SPRED2: variants seen among roughly 807,000 people sequenced by gnomAD.
SPRED2 encodes the protein sprouty related EVH1 domain containing 2.
Under a neutral mutation model 43.0 loss-of-function variants are expected in SPRED2, and 47 were observed. The ratio of observed to expected loss-of-function variants is 1.09; its 90% CI spans 0.87 to 1.40. SPRED2 has a LOEUF of 1.40. Ranked by LOEUF, SPRED2 falls within the 40% of genes most tolerant of loss-of-function variation. SPRED2 has a pLI of 0.00. For synonymous variants in SPRED2, 225 were observed against 225.7 expected, an observed-to-expected ratio of 1.00 and a Z score of 0.03; for missense variants, 561 against 586.4, an observed-to-expected ratio of 0.96 and a Z score of 0.45.
chr2:65,401,937 G>GCGCGCGCGCGCACA lies in SPRED2; in HGVS notation c.26+30024_26+30025insTGTGCGCGCGCGCG, dbSNP rs776512353. Among the ~76,000 whole-genome samples, 155 of 114,728 alleles carry GCGCGCGCGCGCACA rather than the reference G, an allele frequency of 1.4e-3. 1 individual carries two copies. Among genetic ancestry groups the GCGCGCGCGCGCACA allele is most frequent in the African/African-American group, 4.4e-3 (129 of 29,604 alleles). The allele number at this position is 114,728 out of a possible 152,430, so 75.3% of individuals were successfully genotyped here. A position where few individuals can be genotyped will look rare whatever the true frequency, so the allele number is the denominator to read the frequency against. On this transcript the variant is annotated intron_variant, in intron 1 of 5. Coordinates refer to ENST00000356388, the MANE Select transcript of SPRED2 (RefSeq NM_181784.3). ...ACGATCAGAATATTAGCGCGCGCGC[G>GCGCGCGCGCGCACA]CACACACACACACACACACACACAC...
At chr2:65,334,901 ATCTG>A in intron 2 of SPRED2, 128 bp from the exon 3 acceptor site, 1 of 876,564 alleles carries the variant, frequency 1.1e-6, no homozygotes, top group South Asian at 1.6e-5. Context: ...GCCTTCACAT[ATCTG>A]TGAGTCTCTC....
At chr2:65,325,369 C>A (rs1213565271) in intron 4 of SPRED2, among the ~76,000 whole-genome samples, 3 of 152,170 alleles carry the variant, frequency 2.0e-5, no homozygotes, top group Non-Finnish European at 4.4e-5. Flanking sequence ...AGGAGCTAGA[C>A]CACATCATTC....
intron 1 of SPRED2, among the ~76,000 whole-genome samples, chr2:65,350,842 G>A (rs939865438): frequency 6.6e-6 from 1 of 152,230 alleles, no homozygotes; most frequent in Non-Finnish European, 1.5e-5. Context: ...AGATGACGGC[G>A]AGGCAGCACT....
chr2:65,342,382 T>C (rs1460778083), intron 2 of SPRED2, among the ~76,000 whole-genome samples: 1 of 148,614 alleles, frequency 6.7e-6, no homozygotes, highest in Non-Finnish European at 1.5e-5. Context: ...TGTATGTATA[T>C]TTTGTATATG....
At chr2:65,333,332 A>G (rs1434137436) in intron 3 of SPRED2, among the ~76,000 whole-genome samples, 1 of 152,136 alleles carries the variant, frequency 6.6e-6, no homozygotes, top group East Asian at 1.9e-4. Flanking sequence ...TTGCTCAGAA[A>G]GGATGAGAAA....
At chr2:65,336,885 G>A (rs1222475318) in intron 2 of SPRED2, among the ~76,000 whole-genome samples, 2 of 152,190 alleles carry the variant, frequency 1.3e-5, no homozygotes, top group Admixed American at 6.5e-5. Context: ...GAGGCGGGCG[G>A]ATCATGAGGT....
At chr2:65,399,602 C>T (rs1456439964) in intron 1 of SPRED2, among the ~76,000 whole-genome samples, 1 of 151,924 alleles carries the variant, frequency 6.6e-6, no homozygotes, top group African/African-American at 2.4e-5. Context: ...AGGCTGGTCT[C>T]GAACTCCTGA....
At chr2:65,353,939 C>T (rs1399532548) in intron 1 of SPRED2, among the ~76,000 whole-genome samples, 2 of 152,126 alleles carry the variant, frequency 1.3e-5, no homozygotes, top group Non-Finnish European at 2.9e-5. Context: ...CCCAGCTGTC[C>T]TTAGTCAAGG....
chr2:65,347,302 C>A (rs773108384), intron 1 of SPRED2, among the ~76,000 whole-genome samples: 5 of 152,048 alleles, frequency 3.3e-5, no homozygotes, highest in Admixed American at 6.6e-5. Context: ...GTAACCCCAC[C>A]CAGGCTGCTG....
At chr2:65,354,325 G>A (rs1373113807) in intron 1 of SPRED2, among the ~76,000 whole-genome samples, 2 of 152,078 alleles carry the variant, frequency 1.3e-5, no homozygotes, top group African/African-American at 4.8e-5. Flanking sequence ...TGATACCCAC[G>A]GCATTAGCAA....
At chr2:65,359,095 T>C (rs1163354272) in intron 1 of SPRED2, among the ~76,000 whole-genome samples, 1 of 152,228 alleles carries the variant, frequency 6.6e-6, no homozygotes, top group Non-Finnish European at 1.5e-5. Context: ...TCTTTCCTTT[T>C]AGGGTCACAA....
intron 1 of SPRED2, among the ~76,000 whole-genome samples, chr2:65,421,237 G>A (rs1421068958): frequency 6.6e-6 from 1 of 152,134 alleles, no homozygotes; most frequent in South Asian, 2.1e-4. Context: ...TAAGAATGGG[G>A]AGGGACAGGC....
chr2:65,383,565 C>T (rs1426411192), intron 1 of SPRED2, among the ~76,000 whole-genome samples: 2 of 152,102 alleles, frequency 1.3e-5, no homozygotes, highest in Admixed American at 1.3e-4. Context: ...CCATCAAAAC[C>T]CACCAAAGGC....
chr2:65,369,459 C>G (rs577215671), intron 1 of SPRED2, among the ~76,000 whole-genome samples: 1 of 152,184 alleles, frequency 6.6e-6, no homozygotes. Flanking sequence ...ATAGCATATG[C>G]GATACTTTTC....
At chr2:65,405,008 C>G (rs1310377175) in intron 1 of SPRED2, among the ~76,000 whole-genome samples, 3 of 152,188 alleles carry the variant, frequency 2.0e-5, no homozygotes, top group African/African-American at 7.2e-5. Context: ...TCTTCTGTCA[C>G]ACGTTATAAA....
At position 65,317,891 on chromosome 2, in the gene SPRED2, G is replaced by A. The variant is rs76352595; in HGVS notation, c.439-1008C>T. Among the ~76,000 whole-genome samples, 188 of 152,246 alleles carry A rather than the reference G, an allele frequency of 1.2e-3. 2 individuals are homozygous for A. In the East Asian group the frequency reaches 0.034, roughly 27 times the overall value. On this transcript the variant is annotated intron_variant, in intron 4 of 5. Transcript: ENST00000356388. ...CAGAGCTGTTTTGCCCAGTAGAGAT[G>A]TCAAGTTAAGACTGGAGTCTCCGTA...
chr2:65,324,839 G>A (rs1160671849), intron 4 of SPRED2, among the ~76,000 whole-genome samples: 1 of 152,078 alleles, frequency 6.6e-6, no homozygotes, highest in Non-Finnish European at 1.5e-5. Context: ...AGGACGAGCC[G>A]GACAGATTTC....
chr2:65,374,787 C>G (rs562986586), intron 1 of SPRED2, among the ~76,000 whole-genome samples: 30 of 152,348 alleles, frequency 2.0e-4, no homozygotes, highest in African/African-American at 7.2e-4. Flanking sequence ...ATAAAGCTTA[C>G]AGACGACTGA....
chr2:65,343,254 T>C (rs1201640953), intron 2 of SPRED2, among the ~76,000 whole-genome samples: 2 of 152,236 alleles, frequency 1.3e-5, no homozygotes, highest in East Asian at 1.9e-4. Context: ...AAAAATATTA[T>C]AAACAAGAAT....
Sources: gnomAD v4.1 joint callset for allele counts (sites outside exome capture counted in the v4.1 genomes callset) on GRCh38, gnomAD v4.1.1 for gene constraint, MANE v1.5 for transcripts, NCBI Gene and HGNC (gene_info 2026-07-23, HGNC 2026-07-21) for gene names.